N4BP2L2: variants seen among roughly 807,000 people sequenced by gnomAD.
The protein encoded by N4BP2L2 is NEDD4-binding protein 2-like 2.
In N4BP2L2, 50 loss-of-function variants were observed where a neutral mutation model predicts 56.2. That is an observed-to-expected ratio of 0.89 (90% CI 0.71 to 1.13). The LOEUF is 1.13. Among genes scored for constraint, N4BP2L2 ranks in the 50% most tolerant of loss-of-function variants. The pLI, the probability that N4BP2L2 is intolerant of heterozygous loss-of-function variation, is 0.00. For missense variants in N4BP2L2, 689 were observed against 693.8 expected (o/e 0.99, Z 0.08); for synonymous variants, 203 against 223.6 (o/e 0.91, Z 0.82).
exon 6 of N4BP2L2, chr13:32,516,473 G>A (rs1042792199): frequency 6.6e-6 from 1 of 152,170 alleles, no homozygotes; most frequent in African/African-American, 2.4e-5. Context: ...TGATAGCAGT[G>A]AATCTAGTTT....
chr13:32,442,458 A>C, exon 7 of N4BP2L2: 1 of 1,612,826 alleles, frequency 6.2e-7, no homozygotes, highest in Non-Finnish European at 8.5e-7. Context: ...ATGGTAGCTC[A>C]AGGGAACGGT....
At chr13:32,461,868 C>T (rs147185096) in intron 6 of N4BP2L2, among the ~76,000 whole-genome samples, 114 of 152,272 alleles carry the variant, frequency 7.5e-4, no homozygotes, top group Non-Finnish European at 1.4e-3. Flanking sequence ...TCCCAATGTG[C>T]TGCCATTGTA....
chr13:32,508,836 A>T (rs1014674948), downstream of N4BP2L2: 69 of 152,322 alleles, frequency 4.5e-4, no homozygotes, highest in African/African-American at 1.6e-3. Flanking sequence ...AAAAGTGATT[A>T]TGAACTTTTT....
In N4BP2L2 at chr13:32,517,723, A is replaced by G. The variant is rs2049545518; in HGVS notation, c.*79T>C. 12 of 1,505,502 alleles carry G rather than the reference A, an allele frequency of 8.0e-6. No individual in the cohort carries two copies. In the South Asian group the frequency reaches 1.6e-4, roughly 20 times the overall value. The allele number at this position is 1,505,502 out of a possible 1,614,324, so 93.3% of individuals were successfully genotyped here. On this transcript the variant is annotated 3_prime_UTR_variant, in exon 6 of 6. Transcript: ENST00000267068. ...AGGCACTGTAGCCTTTTTTTATTTGAAACTACTTAAACTCCAAGACAGGCT... is the reference window on the plus strand; with the variant it reads ...AGGCACTGTAGCCTTTTTTTATTTGGAACTACTTAAACTCCAAGACAGGCT...
downstream of N4BP2L2, chr13:32,507,278 T>C (rs1384305751): frequency 3.3e-5 from 5 of 152,110 alleles, no homozygotes; most frequent in Non-Finnish European, 1.5e-5. Flanking sequence ...AGCTTAGAAG[T>C]GGAAATGTCA....
chr13:32,530,721 C>T (rs1328315549), intron 2 of N4BP2L2, among the ~76,000 whole-genome samples: 1 of 151,914 alleles, frequency 6.6e-6, no homozygotes, highest in Non-Finnish European at 1.5e-5. Flanking sequence ...AGTGGGAGAA[C>T]TAAGATAAAG....
chr13:32,469,147 C>T (rs2081827325), intron 6 of N4BP2L2, among the ~76,000 whole-genome samples: 1 of 152,236 alleles, frequency 6.6e-6, no homozygotes, highest in South Asian at 2.1e-4. Flanking sequence ...TGGACCTCAG[C>T]ATGGGCTGGA....
chr13:32,445,233 A>G (rs979547772), intron 6 of N4BP2L2, among the ~76,000 whole-genome samples: 1 of 152,124 alleles, frequency 6.6e-6, no homozygotes, highest in Admixed American at 6.5e-5. Context: ...CCTGGCCCAC[A>G]GGGCAAGACT....
At chr13:32,443,290 C>T (rs2076610504) in exon 7 of N4BP2L2, 1 of 1,613,836 alleles carries the variant, frequency 6.2e-7, no homozygotes, top group Non-Finnish European at 8.5e-7. Flanking sequence ...AATCCATTGC[C>T]CCCTGCTGTC....
chr13:32,500,365 T>C (rs2089732242), intron 6 of N4BP2L2, among the ~76,000 whole-genome samples: 1 of 152,088 alleles, frequency 6.6e-6, no homozygotes, highest in African/African-American at 2.4e-5. Context: ...AGTAAATTGT[T>C]TCTAAATAAC....
chr13:32,444,199 C>T (rs2076692232), intron 6 of N4BP2L2: 1 of 1,160,784 alleles, frequency 8.6e-7, no homozygotes, highest in African/African-American at 1.6e-5. Context: ...TAACATCATA[C>T]TCTTCATGTG....
intron 6 of N4BP2L2, among the ~76,000 whole-genome samples, chr13:32,458,423 T>TGCCTACA (rs1566056006): frequency 6.6e-6 from 1 of 152,124 alleles, no homozygotes; most frequent in Non-Finnish European, 1.5e-5. Context: ...ATTTCTCCTG[T>TGCCTACA]AGAAACACAT....
At chr13:32,477,089 T>G (rs1417505843) in intron 6 of N4BP2L2, among the ~76,000 whole-genome samples, 1 of 152,150 alleles carries the variant, frequency 6.6e-6, no homozygotes, top group Non-Finnish European at 1.5e-5. Flanking sequence ...GAGCTCTGCC[T>G]GAGGGGATTA....
At chr13:32,535,665 A>G (rs2056375786) in intron 2 of N4BP2L2, 104 bp downstream of exon 2, 2 of 1,297,982 alleles carry the variant, frequency 1.5e-6, no homozygotes, top group Non-Finnish European at 1.0e-6. Flanking sequence ...TGGCCTCCCA[A>G]AGTGTTGGGA....
intron 5 of N4BP2L2, among the ~76,000 whole-genome samples, chr13:32,520,069 C>T (rs961788094): frequency 6.6e-6 from 1 of 152,134 alleles, no homozygotes; most frequent in Admixed American, 6.5e-5. Flanking sequence ...CATGACCACA[C>T]AGCATACAAA....
chr13:32,521,891 G>T (rs898254068), intron 4 of N4BP2L2: 2 of 326,072 alleles, frequency 6.1e-6, no homozygotes, highest in African/African-American at 2.2e-5. Context: ...CAGGAGAATC[G>T]CTTCAACTGG....
At chr13:32,502,174 C>T (rs1161744194) in intron 6 of N4BP2L2, among the ~76,000 whole-genome samples, 1 of 151,472 alleles carries the variant, frequency 6.6e-6, no homozygotes, top group South Asian at 2.1e-4. Context: ...AAGGAATTCT[C>T]CTACCTTAGC....
chr13:32,440,626 C>A (rs1279131886), intron 7 of N4BP2L2, among the ~76,000 whole-genome samples: 2 of 151,976 alleles, frequency 1.3e-5, no homozygotes, highest in Non-Finnish European at 2.9e-5. Context: ...CAATTCCTGG[C>A]TAATTTTTGT....
chr13:32,486,942 T>A (rs1315196332), intron 6 of N4BP2L2, among the ~76,000 whole-genome samples: 1 of 152,084 alleles, frequency 6.6e-6, no homozygotes, highest in African/African-American at 2.4e-5. Context: ...GAGGTTGCAG[T>A]GAGCCGAGAT....
Sources: allele counts gnomAD v4.1 joint callset (sites outside exome capture counted in the v4.1 genomes callset), GRCh38; gene constraint gnomAD v4.1.1; transcripts MANE v1.5; gene names NCBI Gene and HGNC (gene_info 2026-07-23, HGNC 2026-07-21).